The following TOPBP1 variants were observed in gnomAD, a reference collection of about 807,000 sequenced individuals.
TOPBP1 encodes the protein DNA topoisomerase II binding protein 1.
Under a neutral mutation model 167.7 loss-of-function variants are expected in TOPBP1, and 28 were observed. The ratio of observed to expected loss-of-function variants is 0.17; its 90% CI spans 0.12 to 0.23. TOPBP1 has a LOEUF of 0.23. TOPBP1 is among the 10% of genes least tolerant of loss of function. TOPBP1 has a pLI of 1.00. For missense variants in TOPBP1, 1,554 were observed against 1,809.6 expected (o/e 0.86, Z 2.56); for synonymous variants, 598 against 611.4 (o/e 0.98, Z 0.32).
intron 17 of TOPBP1, among the ~76,000 whole-genome samples, 194 bp from the exon 18 acceptor site, chr3:133,623,651 T>G (rs893131125): frequency 6.6e-6 from 1 of 152,236 alleles, no homozygotes; most frequent in Non-Finnish European, 1.5e-5. Context: ...TTAAATGTCA[T>G]ATCCACTGAA....
At chr3:133,609,409 T>C (rs547685575) in intron 25 of TOPBP1, among the ~76,000 whole-genome samples, 2 of 152,286 alleles carry the variant, frequency 1.3e-5, no homozygotes, top group African/African-American at 4.8e-5. Context: ...GAGGGTATCA[T>C]GGCTAATAAG....
rs184914692 is a variant in TOPBP1 at position 133,612,787 on chromosome 3, A to G, written c.3872-235T>C. Among the ~76,000 whole-genome samples, 310 of 152,240 alleles carry G rather than the reference A, an allele frequency of 2.0e-3. 2 individuals are homozygous for G. The highest frequency in any genetic ancestry group is 7.0e-3 in the African/African-American group (292 of 41,552). ...AAATAAAATAGTAAAATGAACCCCC[A>G]CACATATACTAGCTACCTATATTCT... On this transcript the variant is annotated intron_variant, in intron 23 of 27. Coordinates refer to ENST00000260810, the MANE Select transcript of TOPBP1 (RefSeq NM_007027.4).
At chr3:133,658,199 C>T (rs1936548012) in intron 3 of TOPBP1, among the ~76,000 whole-genome samples, 1 of 152,226 alleles carries the variant, frequency 6.6e-6, no homozygotes, top group Admixed American at 6.5e-5. Flanking sequence ...CACAGTGGCT[C>T]ACGCCTGTAA....
chr3:133,653,549 T>TA, intron 6 of TOPBP1, 25 bp from the exon 7 acceptor site: 1 of 1,498,564 alleles, frequency 6.7e-7, no homozygotes, highest in Non-Finnish European at 8.9e-7. Flanking sequence ...AAGAAAGAAA[T>TA]AGAGAAAATA....
intron 6 of TOPBP1, among the ~76,000 whole-genome samples, chr3:133,654,085 G>A (rs114875784): frequency 7.0e-4 from 106 of 152,268 alleles, no homozygotes; most frequent in African/African-American, 2.5e-3. Flanking sequence ...CCATGTGAGA[G>A]GTTTTATCTT....
chr3:133,626,435 T>C (rs941796806), intron 16 of TOPBP1, among the ~76,000 whole-genome samples: 1 of 152,220 alleles, frequency 6.6e-6, no homozygotes, highest in Non-Finnish European at 1.5e-5. Flanking sequence ...TTATGTCATA[T>C]CTTGCATGAT....
At chr3:133,628,834 G>A in intron 14 of TOPBP1, 101 bp from the exon 15 acceptor site, 1 of 1,214,690 alleles carries the variant, frequency 8.2e-7, no homozygotes, top group Non-Finnish European at 1.1e-6. Context: ...GGAGAGAGGG[G>A]TAAAGAGAGA....
intron 13 of TOPBP1, 121 bp downstream of exon 13, chr3:133,639,838 C>A: frequency 1.1e-6 from 1 of 923,504 alleles, no homozygotes; most frequent in Non-Finnish European, 1.6e-6. Context: ...GAGACCCTCA[C>A]TGCACCCAAT....
chr3:133,633,707 G>A (rs1049658907), intron 14 of TOPBP1, among the ~76,000 whole-genome samples: 7 of 152,134 alleles, frequency 4.6e-5, no homozygotes, highest in Non-Finnish European at 1.0e-4. Context: ...TGGAAGTATT[G>A]CTTGAGTCCA....
chr3:133,628,743 T>C lies in TOPBP1; in HGVS notation c.2521-10A>G, dbSNP rs1309405796. The C allele has an allele frequency of 5.8e-6, 9 of 1,549,300 alleles. No individual in the cohort carries two copies. The highest frequency in any genetic ancestry group is 1.2e-5 in the South Asian group (1 of 83,846). ...AGGCTGCAAGTGCATCCTATACATA[T>C]GAAGGAGAGAGAGAGATGGAGAAAA... On this transcript the variant is annotated splice_polypyrimidine_tract_variant and intron_variant, in intron 14 of 27. Coordinates refer to ENST00000260810, the MANE Select transcript of TOPBP1 (RefSeq NM_007027.4).
intron 16 of TOPBP1, 91 bp downstream of exon 16, chr3:133,628,271 T>C (rs1935332994): frequency 1.7e-6 from 2 of 1,189,124 alleles, no homozygotes; most frequent in Non-Finnish European, 2.4e-6. Context: ...TGAAACAAAA[T>C]AAATGTATTC....
intron 14 of TOPBP1, among the ~76,000 whole-genome samples, chr3:133,634,707 G>A (rs1043088526): frequency 2.6e-5 from 4 of 152,032 alleles, no homozygotes; most frequent in Non-Finnish European, 5.9e-5. Context: ...GCTAAGAATA[G>A]TACATCCAAA....
In TOPBP1 at chr3:133,640,094, G is replaced by C. The variant is rs111425097; in HGVS notation, c.2098C>G (p.Arg700Gly). The change falls in exon 13 of 28, where the codon CGT (arginine) becomes GGT (glycine). Residue 700 changes from arginine to glycine, a missense_variant. Coordinates refer to ENST00000260810, the MANE Select transcript of TOPBP1 (RefSeq NM_007027.4). Reference sequence around the variant, plus strand: ...GCAGCTTCATATTTAGAGCCACCACGTTCTTTCAGTATAAGATGAGTACTG... The same window carrying C: ...GCAGCTTCATATTTAGAGCCACCACCTTCTTTCAGTATAAGATGAGTACTG... ...FASTHLILKE[R>G]GGSKYEAAKK... 4 of 1,613,772 alleles carry C rather than the reference G, an allele frequency of 2.5e-6. No homozygotes were observed. The East Asian group carries it at 8.9e-5, about 36-fold the overall frequency.
At position 133,625,254 on chromosome 3, in the gene TOPBP1, C is replaced by T. The variant is rs368325740; in HGVS notation, c.2805-1079G>A. Among the ~76,000 whole-genome samples the T allele has an allele frequency of 1.4e-4, 22 of 152,268 alleles. No individual in the cohort carries two copies. The East Asian group carries it at 2.9e-3, about 20-fold the overall frequency. ...TGCTGGGATTACACGCATGAGCCAC[C>T]GTGCCCGGCCGCTATTCAATATTCT... On this transcript the variant is annotated intron_variant, in intron 16 of 27. Transcript: ENST00000260810.
intron 8 of TOPBP1, among the ~76,000 whole-genome samples, chr3:133,650,996 C>T (rs1360959325): frequency 6.6e-6 from 1 of 151,740 alleles, no homozygotes; most frequent in Non-Finnish European, 1.5e-5. Flanking sequence ...ACTTAGGAGG[C>T]TGAGGCAGGA....
chr3:133,616,357 G>A (rs1934879161), intron 23 of TOPBP1, among the ~76,000 whole-genome samples: 1 of 151,852 alleles, frequency 6.6e-6, no homozygotes, highest in African/African-American at 2.4e-5. Context: ...CCTGACCCCA[G>A]GTGATCCGCC....
At chr3:133,660,941 A>G in intron 2 of TOPBP1, 103 bp downstream of exon 2, 1 of 810,068 alleles carries the variant, frequency 1.2e-6, no homozygotes, top group South Asian at 2.1e-5. Context: ...TAAAATTATT[A>G]TGAAAGTGAA....
At chr3:133,640,242 A>G in intron 12 of TOPBP1, 72 bp from the exon 13 acceptor site, 2 of 1,300,598 alleles carry the variant, frequency 1.5e-6, no homozygotes, top group Non-Finnish European at 1.1e-6. Flanking sequence ...AAAATTTCCA[A>G]CACAACAGTG....
chr3:133,611,248 C>T (rs1388231224), intron 24 of TOPBP1, 107 bp from the exon 25 acceptor site: 5 of 972,910 alleles, frequency 5.1e-6, no homozygotes, highest in Admixed American at 3.4e-5. Context: ...TAAAGCTATA[C>T]ATTTAATTGT....
Sources: gnomAD v4.1 joint callset for allele counts (sites outside exome capture counted in the v4.1 genomes callset) on GRCh38, gnomAD v4.1.1 for gene constraint, MANE v1.5 for transcripts, NCBI Gene and HGNC (gene_info 2026-07-23, HGNC 2026-07-21) for gene names.